Variants in ETFDH observed in about 807,000 individuals in gnomAD.
ETFDH encodes the protein electron transfer flavoprotein-ubiquinone oxidoreductase, mitochondrial.
In ETFDH, 61 loss-of-function variants were observed where a neutral mutation model predicts 73.2. That is an observed-to-expected ratio of 0.83 (90% CI 0.68 to 1.03). ETFDH has a LOEUF of 1.03. Among genes scored for constraint, ETFDH ranks in the 50% least tolerant of loss-of-function variants. The pLI is 0.00. For synonymous variants in ETFDH, 243 were observed against 253.3 expected (o/e 0.96, Z 0.39); for missense variants, 685 against 745.0 (o/e 0.92, Z 0.94).
chr4:158,709,591 C>A lies in ETFDH; in HGVS notation c.*1064C>A. On this transcript the variant is annotated 3_prime_UTR_variant, in exon 13 of 13. Coordinates refer to ENST00000511912, the MANE Select transcript of ETFDH (RefSeq NM_004453.4). Reference sequence around the variant, plus strand: ...TGTGACATGTTTATTAAGCATGAACCCCTATCAGTACTCCTAAACTGTAAA... The same window carrying A: ...TGTGACATGTTTATTAAGCATGAACACCTATCAGTACTCCTAAACTGTAAA... 2 of 579,414 alleles carry A rather than the reference C, an allele frequency of 3.5e-6. No homozygotes were observed. The highest frequency in any genetic ancestry group is 6.0e-6 in the Non-Finnish European group (2 of 334,822). 35.9% of individuals were successfully genotyped at this position (579,414 alleles called of 1,614,324 possible). A position where few individuals can be genotyped will look rare whatever the true frequency, so the allele number is the denominator to read the frequency against.
At chr4:158,675,478 A>G (rs1385460449) in intron 1 of ETFDH, among the ~76,000 whole-genome samples, 5 of 152,204 alleles carry the variant, frequency 3.3e-5, no homozygotes, top group Non-Finnish European at 5.9e-5. Flanking sequence ...TAAATAATTC[A>G]GCTGTTGGTC....
At chr4:158,677,228 G>A (rs969811531) in intron 1 of ETFDH, among the ~76,000 whole-genome samples, 4 of 152,196 alleles carry the variant, frequency 2.6e-5, no homozygotes, top group Admixed American at 6.5e-5. Context: ...TACAGCCTCA[G>A]GAGGTCCTGA....
At chr4:158,678,127 C>T (rs1773757672) in intron 1 of ETFDH, among the ~76,000 whole-genome samples, 1 of 152,132 alleles carries the variant, frequency 6.6e-6, no homozygotes, top group African/African-American at 2.4e-5. Context: ...GTATAATTAT[C>T]AAAACTAAGA....
Position 158,703,431 on chromosome 4 carries a change from A to C in ETFDH, c.1125A>C (p.Pro375=). The change falls in exon 10 of 13, where the codon CCA becomes CCC. Residue 375 remains proline, a synonymous_variant. Transcript: ENST00000511912. ...ALNEGGFQSI[P]KLTFPGGLLI... is the part of the protein sequence containing the mutation. Reference sequence around the variant, plus strand: ...AATCTTTGTTTCCTCAGTCTATACCAAAACTCACCTTTCCTGGTGGTTTAC... The same window carrying C: ...AATCTTTGTTTCCTCAGTCTATACCCAAACTCACCTTTCCTGGTGGTTTAC... The C allele has an allele frequency of 6.2e-7, 1 of 1,610,478 alleles. No homozygotes were observed. The highest frequency in any genetic ancestry group is 8.5e-7 in the Non-Finnish European group (1 of 1,176,772).
chr4:158,703,278 T>C (rs1220503183), intron 9 of ETFDH, 145 bp from the exon 10 acceptor site: 1 of 660,716 alleles, frequency 1.5e-6, no homozygotes. Flanking sequence ...TTGCTCTGTT[T>C]TATTCCTTTG....
intron 5 of ETFDH, among the ~76,000 whole-genome samples, chr4:158,687,701 C>T (rs1311115695): frequency 4.6e-5 from 7 of 152,150 alleles, no homozygotes; most frequent in Admixed American, 3.3e-4. Context: ...TTGGCAACTA[C>T]ATCACACTAT....
At chr4:158,678,118 T>C (rs1167140020) in intron 1 of ETFDH, among the ~76,000 whole-genome samples, 5 of 152,234 alleles carry the variant, frequency 3.3e-5, no homozygotes, top group Non-Finnish European at 7.3e-5. Flanking sequence ...GTAACCATAG[T>C]ATAATTATCA....
At chr4:158,680,441 T>C in intron 1 of ETFDH, 26 bp from the exon 2 acceptor site, 2 of 1,572,442 alleles carry the variant, frequency 1.3e-6, no homozygotes, top group African/African-American at 2.7e-5. Context: ...TTAAGGAAGA[T>C]AATAATTTTC....
intron 12 of ETFDH, among the ~76,000 whole-genome samples, chr4:158,707,183 T>C (rs775469222): frequency 7.2e-5 from 11 of 152,240 alleles, no homozygotes; most frequent in Non-Finnish European, 1.3e-4. Flanking sequence ...GTGCATGTAC[T>C]AGAACAGCAC....
In ETFDH at chr4:158,691,049, GATA is replaced by G. The variant is rs1160831933; in HGVS notation, c.684+629_684+631del. Among the ~76,000 whole-genome samples, 6 of 152,180 alleles carry G rather than the reference GATA, an allele frequency of 3.9e-5. No homozygotes were observed. The East Asian group carries it at 5.8e-4, about 15-fold the overall frequency. ...TAATATGTTTAAAAATTTTTTAAAAGATAATAACATACAAATATACAAACATAA... is the reference window on the plus strand; with the variant it reads ...TAATATGTTTAAAAATTTTTTAAAAGATAACATACAAATATACAAACATAA... On this transcript the variant is annotated intron_variant, in intron 6 of 12. Transcript: ENST00000511912.
At position 158,672,354 on chromosome 4, in the gene ETFDH, C is replaced by A. The variant is rs1773590703; in HGVS notation, c.-103C>A. On this transcript the variant is annotated 5_prime_UTR_variant, in exon 1 of 13. Transcript: ENST00000511912. ...GAACTGCAGCAGAGTTCTTGCTTTC[C>A]GGCAGGTGATGGCGCCCCCCGCGGC... The A allele has an allele frequency of 2.5e-6, 3 of 1,193,136 alleles. No individual in the cohort carries two copies. Among genetic ancestry groups the A allele is most frequent in the African/African-American group, 3.0e-5 (2 of 66,786 alleles). The allele number at this position is 1,193,136 out of a possible 1,614,324, so 73.9% of individuals were successfully genotyped here. A position where few individuals can be genotyped will look rare whatever the true frequency, so the allele number is the denominator to read the frequency against.
At chr4:158,674,235 T>C (rs868850323) in intron 1 of ETFDH, among the ~76,000 whole-genome samples, 1 of 151,582 alleles carries the variant, frequency 6.6e-6, no homozygotes, top group Non-Finnish European at 1.5e-5. Flanking sequence ...TTAATATACT[T>C]TTTTTTTTCC....
In ETFDH at chr4:158,703,581, A is replaced by G; in HGVS notation, c.1275A>G (p.Ser425=). Residue 425 remains serine, a synonymous_variant, in exon 10 of 13, where the codon TCA becomes TCG. Coordinates refer to ENST00000511912, the MANE Select transcript of ETFDH (RefSeq NM_004453.4). ...AACTAACTAGTGAAAATCTCCAATCAAAGACAATAGGTAAGAAATTCCTGT... is the reference window on the plus strand; with the variant it reads ...AACTAACTAGTGAAAATCTCCAATCGAAGACAATAGGTAAGAAATTCCTGT... The part of the protein sequence containing the change: ...FNQLTSENLQ[S]KTIGLHVTEY... The G allele has an allele frequency of 6.3e-7, 1 of 1,598,816 alleles. No homozygotes were observed. Among genetic ancestry groups the G allele is most frequent in the Non-Finnish European group, 8.6e-7 (1 of 1,166,420 alleles).
intron 1 of ETFDH, among the ~76,000 whole-genome samples, chr4:158,676,774 T>C (rs1307117803): frequency 2.0e-5 from 3 of 152,242 alleles, no homozygotes; most frequent in Non-Finnish European, 4.4e-5. Flanking sequence ...TAGTACCTCA[T>C]GTGGCTTTGG....
In ETFDH at chr4:158,672,384, A is replaced by AGGTCCGGCGCCCC. The variant is rs1372187661; in HGVS notation, c.-68_-67insGGCGCCCCGGTCC. 6.5e-7 allele frequency: 1 copy of AGGTCCGGCGCCCC among 1,535,732 alleles called. No homozygotes were observed. The highest frequency in any genetic ancestry group is 9.0e-7 in the Non-Finnish European group (1 of 1,109,258). ...GGTGATGGCGCCCCCCGCGGCCTAGAGGTCCAGCGCCCGCCGCGAGCAGCG... is the reference window on the plus strand; with the variant it reads ...GGTGATGGCGCCCCCCGCGGCCTAGAGGTCCGGCGCCCCGGTCCAGCGCCCGCCGCGAGCAGCG... On this transcript the variant is annotated 5_prime_UTR_variant, in exon 1 of 13. Transcript: ENST00000511912.
At chr4:158,680,256 G>C (rs1055026982) in intron 1 of ETFDH, among the ~76,000 whole-genome samples, 1 of 151,910 alleles carries the variant, frequency 6.6e-6, no homozygotes, top group African/African-American at 2.4e-5. Context: ...CCTGACATGA[G>C]CTAAATTGAA....
chr4:158,695,674 T>G (rs780030817), intron 7 of ETFDH, 31 bp downstream of exon 7: 2 of 1,500,958 alleles, frequency 1.3e-6, no homozygotes, highest in Non-Finnish European at 1.9e-6. Flanking sequence ...AATTTTAATT[T>G]TGAAAGATGG....
intron 10 of ETFDH, 102 bp downstream of exon 10, chr4:158,703,693 G>T: frequency 1.3e-6 from 1 of 749,616 alleles, no homozygotes; most frequent in Non-Finnish European, 2.3e-6. Context: ...TTTATAGAAA[G>T]TATTAATAAG....
chr4:158,681,421 G>C (rs1393519356), intron 2 of ETFDH: 1 of 152,118 alleles, frequency 6.6e-6, no homozygotes, highest in Non-Finnish European at 1.5e-5. Flanking sequence ...ACATTTAAAA[G>C]CTTATAAAAT....
Sources: gnomAD v4.1 joint callset for allele counts (sites outside exome capture counted in the v4.1 genomes callset) on GRCh38, gnomAD v4.1.1 for gene constraint, MANE v1.5 for transcripts, NCBI Gene and HGNC (gene_info 2026-07-23, HGNC 2026-07-21) for gene names.